Variants in MLLT6 observed in about 807,000 individuals in gnomAD.
The protein encoded by MLLT6 is protein AF-17.
In MLLT6, 22 loss-of-function variants were observed where a neutral mutation model predicts 103.0. The observed-to-expected ratio is 0.21, with a 90% CI of 0.15 to 0.31. The LOEUF is 0.31. Among genes scored for constraint, MLLT6 ranks in the 10% least tolerant of loss-of-function variants. MLLT6 has a pLI of 1.00. For missense variants in MLLT6, 1,199 were observed against 1,441.7 expected (o/e 0.83, Z 2.73); for synonymous variants, 606 against 623.5 (o/e 0.97, Z 0.42).
intron 7 of MLLT6, among the ~76,000 whole-genome samples, chr17:38,712,435 G>A (rs564736358): frequency 1.3e-5 from 2 of 152,208 alleles, no homozygotes; most frequent in African/African-American, 2.4e-5. Context: ...GTTCACGCGC[G>A]TGGTGCTCTA....
chr17:38,716,324 G>T lies in MLLT6; in HGVS notation c.1037-43G>T. On this transcript the variant is annotated intron_variant, in intron 9 of 19. Coordinates refer to ENST00000621332, the MANE Select transcript of MLLT6 (RefSeq NM_005937.4). This position sits in a 1 kb window ranked among gnomAD's most constrained non-coding sequence, Gnocchi z 5.6. ...ACACGCGGGAGTGGGAGGGAGTGCG[G>T]GGATCTGGGGTCCAGCTGTAACTGT... 6.3e-7 allele frequency: 1 copy of T among 1,577,640 alleles called. No individual in the cohort carries two copies. The highest frequency in any genetic ancestry group is 2.2e-5 in the East Asian group (1 of 44,672).
At position 38,722,139 on chromosome 17, in the gene MLLT6, G is replaced by A. The variant is rs1452403587; in HGVS notation, c.2704G>A (p.Gly902Arg). 3.6e-6 allele frequency: 5 copies of A among 1,376,202 alleles called. No homozygotes were observed. The highest frequency in any genetic ancestry group is 3.0e-5 in the East Asian group (1 of 33,594). 85.2% of individuals were successfully genotyped at this position (1,376,202 alleles called of 1,614,324 possible). A position where few individuals can be genotyped will look rare whatever the true frequency, so the allele number is the denominator to read the frequency against. Residue 902 changes from glycine to arginine, a missense_variant, in exon 17 of 20, where the codon GGG becomes AGG. Transcript: ENST00000621332. ...CCTGCCCCTCAATGGGCTCCTTGGGGGGTTGAATGGGGCCGCTGCCCCCAA... is the reference window on the plus strand; with the variant it reads ...CCTGCCCCTCAATGGGCTCCTTGGGAGGTTGAATGGGGCCGCTGCCCCCAA... ...GGLPLNGLLG[G>R]LNGAAAPNPA...
Position 38,715,594 on chromosome 17 carries a change from C to A in MLLT6, c.820-18C>A, listed in dbSNP as rs769519052. 10 of 1,599,710 alleles carry A rather than the reference C, an allele frequency of 6.3e-6. No individual in the cohort carries two copies. The South Asian group carries it at 1.1e-4, about 18-fold the overall frequency. ...CCCAGGCACCTGGTGTTGAACCTTCCTCTCTCCTCTCCTTCAGGTCTCCTC... is the reference window on the plus strand; with the variant it reads ...CCCAGGCACCTGGTGTTGAACCTTCATCTCTCCTCTCCTTCAGGTCTCCTC... On this transcript the variant is annotated intron_variant, in intron 8 of 19. Transcript: ENST00000621332.
chr17:38,705,821 C>A, intron 1 of MLLT6, 80 bp downstream of exon 1: 1 of 479,446 alleles, frequency 2.1e-6, no homozygotes, highest in Non-Finnish European at 3.2e-6. Flanking sequence ...CCTCCGGAGA[C>A]CTCCTGGGGC....
At position 38,727,122 on chromosome 17, in the gene MLLT6, T is replaced by C. The variant is rs1906078065; in HGVS notation, c.*1524T>C. On this transcript the variant is annotated 3_prime_UTR_variant, in exon 20 of 20. Coordinates refer to ENST00000621332, the MANE Select transcript of MLLT6 (RefSeq NM_005937.4). Reference sequence around the variant, plus strand: ...TTCTGTGTGTGTTTCTGTTTGGGTTTTTGTTGTTGGGTTTTTTTTTTTTTT... The same window carrying C: ...TTCTGTGTGTGTTTCTGTTTGGGTTCTTGTTGTTGGGTTTTTTTTTTTTTT... 4.3e-6 allele frequency: 1 copy of C among 233,250 alleles called. No individual in the cohort carries two copies. The highest frequency in any genetic ancestry group is 1.8e-4 in the South Asian group (1 of 5,526). The allele number at this position is 233,250 out of a possible 1,614,324, so 14.4% of individuals were successfully genotyped here.
intron 1 of MLLT6, chr17:38,706,649 G>C (rs990419019): frequency 2.6e-5 from 8 of 305,970 alleles, no homozygotes; most frequent in African/African-American, 1.7e-4. Flanking sequence ...GATGCTGATG[G>C]CTGGTCCGAG....
Position 38,724,925 on chromosome 17 carries a change from C to T in MLLT6, c.3189C>T (p.Pro1063=), listed in dbSNP as rs757437695. The change falls in exon 19 of 20, where the codon CCC becomes CCT. Residue 1063 remains proline, a synonymous_variant. Coordinates refer to ENST00000621332, the MANE Select transcript of MLLT6 (RefSeq NM_005937.4). The surrounding 1 kb of genome is among the most constrained non-coding windows in gnomAD (Gnocchi z 5.4). ...GPPVLTAQTN[P]FLSLSGAEGS... is the part of the protein sequence containing the mutation. ...CAGTCCTCACTGCCCAGACCAACCC[C>T]TTCCTCAGCCTGTCGGGAGCAGAGG... 1 of 1,551,460 alleles carries T rather than the reference C, an allele frequency of 6.4e-7. No individual in the cohort carries two copies. Among genetic ancestry groups the T allele is most frequent in the South Asian group, 1.2e-5 (1 of 84,180 alleles).
At chr17:38,713,406 C>G (rs1905212494) in intron 8 of MLLT6, 4 of 279,868 alleles carry the variant, frequency 1.4e-5, no homozygotes, top group African/African-American at 8.7e-5. Flanking sequence ...TGGAACAGCC[C>G]TCCCTGCTCC....
rs761020977 is a variant in MLLT6 at position 38,716,923 on chromosome 17, C to G, written c.1593C>G (p.Thr531=). ...GCCTGGGAGGTCTGTCCTCCCGAAC[C>G]TTTGGGCCTTCTGGGAGCTTGCCCA... ...SSGLGGLSSR[T]FGPSGSLPSL... is the part of the protein sequence containing the mutation. The change falls in exon 10 of 20, where the codon ACC becomes ACG. Residue 531 remains threonine (T), a synonymous_variant. Coordinates refer to ENST00000621332, the MANE Select transcript of MLLT6 (RefSeq NM_005937.4). This position sits in a 1 kb window ranked among gnomAD's most constrained non-coding sequence, Gnocchi z 5.6. 6.2e-7 allele frequency: 1 copy of G among 1,613,722 alleles called. No individual in the cohort carries two copies. Among genetic ancestry groups the G allele is most frequent in the Non-Finnish European group, 8.5e-7 (1 of 1,179,958 alleles).
intron 1 of MLLT6, 42 bp downstream of exon 1, chr17:38,705,783 G>GCCCC: frequency 2.0e-6 from 2 of 1,009,512 alleles, no homozygotes; most frequent in Non-Finnish European, 2.6e-6. Context: ...CCCCGGGGGC[G>GCCCC]GCGTGCGCGG....
intron 8 of MLLT6, chr17:38,713,145 C>A: frequency 1.5e-6 from 1 of 667,822 alleles, no homozygotes; most frequent in South Asian, 1.7e-5. Flanking sequence ...AGAGGACATC[C>A]CCTACGCCCC....
intron 12 of MLLT6, chr17:38,718,714 A>C (rs1348911705): frequency 6.6e-6 from 1 of 152,182 alleles, no homozygotes; most frequent in Non-Finnish European, 1.5e-5. Flanking sequence ...ATCAGCGCTT[A>C]CGGAGGTCTC....
intron 7 of MLLT6, 72 bp downstream of exon 7, chr17:38,712,086 C>G (rs1457319341): frequency 6.9e-7 from 1 of 1,453,150 alleles, no homozygotes; most frequent in African/African-American, 1.4e-5. Flanking sequence ...GCTCAAAAAG[C>G]CATCATGAGG....
At chr17:38,720,172 C>T (rs921817903) in intron 14 of MLLT6, 200 bp from the exon 15 acceptor site, 3 of 692,740 alleles carry the variant, frequency 4.3e-6, no homozygotes, top group African/African-American at 3.6e-5. Context: ...TCGACCCCAG[C>T]CTCAGGCTCC....
intron 8 of MLLT6, chr17:38,715,196 G>T (rs1469334354): frequency 6.0e-6 from 1 of 165,380 alleles, no homozygotes; most frequent in Non-Finnish European, 1.3e-5. Context: ...TGGCACCAGA[G>T]AAGCCCATTC....
intron 18 of MLLT6, among the ~76,000 whole-genome samples, chr17:38,723,998 CT>C (rs1034320255): frequency 5.3e-5 from 8 of 152,148 alleles, no homozygotes; most frequent in Non-Finnish European, 1.0e-4. Context: ...CGGCCTCAGC[CT>C]CCCAAAGTGC....
intron 14 of MLLT6, chr17:38,720,152 C>A (rs1905627609): frequency 1.4e-6 from 1 of 692,756 alleles, no homozygotes; most frequent in Non-Finnish European, 2.4e-6. Context: ...CTCTCCTGAC[C>A]CGTGTGGCCT....
Position 38,719,747 on chromosome 17 carries a change from C to T in MLLT6, c.2010-3C>T, listed in dbSNP as rs1486969698. 3 of 1,606,194 alleles carry T rather than the reference C, an allele frequency of 1.9e-6. No homozygotes were observed. The highest frequency in any genetic ancestry group is 2.6e-6 in the Non-Finnish European group (3 of 1,174,932). ...ACTGAACCCAGGTTCCCTCTGGCCG[C>T]AGGTCCCCCATCAGCAGCCTCCCCG... On this transcript the variant is annotated splice_region_variant and splice_polypyrimidine_tract_variant and intron_variant, in intron 13 of 19. Coordinates refer to ENST00000621332, the MANE Select transcript of MLLT6 (RefSeq NM_005937.4).
chr17:38,706,872 C>A, intron 1 of MLLT6, 78 bp from the exon 2 acceptor site: 1 of 1,268,098 alleles, frequency 7.9e-7, no homozygotes, highest in Non-Finnish European at 1.1e-6. Flanking sequence ...CCTTTGGAGT[C>A]ACCGCCTTCC....
Sources: allele counts gnomAD v4.1 joint callset (sites outside exome capture counted in the v4.1 genomes callset), GRCh38; gene constraint gnomAD v4.1.1; non-coding constraint Gnocchi (gnomAD v3.1); transcripts MANE v1.5; gene names NCBI Gene and HGNC (gene_info 2026-07-23, HGNC 2026-07-21).